Variants in KATNAL1 observed in about 807,000 individuals in gnomAD.
The protein encoded by KATNAL1 is katanin catalytic subunit A1 like 1.
KATNAL1 carries 32 observed loss-of-function variants against 55.2 expected under a neutral mutation model. The observed-to-expected ratio is 0.58, with a 90% CI of 0.44 to 0.78. KATNAL1 has a LOEUF of 0.78. Among genes scored for constraint, KATNAL1 ranks in the 30% least tolerant of loss-of-function variants. The pLI, the probability that KATNAL1 is intolerant of heterozygous loss-of-function variation, is 0.00. For missense variants in KATNAL1, 466 were observed against 600.9 expected (o/e 0.78, Z 2.35); for synonymous variants, 193 against 193.6 (o/e 1.00, Z 0.02).
intron 9 of KATNAL1, among the ~76,000 whole-genome samples, chr13:30,214,409 T>C (rs764690200): frequency 0.08 from 12,122 of 152,052 alleles, 511 homozygotes; most frequent in Admixed American, 0.089. Context: ...CTTCACAGAA[T>C]TGGAAAAAAC....
At chr13:30,213,600 G>A (rs1204040963) in intron 9 of KATNAL1, among the ~76,000 whole-genome samples, 1 of 152,200 alleles carries the variant, frequency 6.6e-6, no homozygotes, top group South Asian at 2.1e-4. Context: ...TCAACCCTGG[G>A]ATGCAAGGCT....
intron 3 of KATNAL1, among the ~76,000 whole-genome samples, chr13:30,269,898 G>T (rs990921913): frequency 2.0e-5 from 3 of 151,454 alleles, no homozygotes; most frequent in East Asian, 3.9e-4. Flanking sequence ...GTCCAGGAGG[G>T]GGGGGTCAGC....
At chr13:30,250,231 G>C (rs1878172465) in intron 4 of KATNAL1, among the ~76,000 whole-genome samples, 1 of 152,252 alleles carries the variant, frequency 6.6e-6, no homozygotes, top group Admixed American at 6.5e-5. Flanking sequence ...GAAAAGTAAT[G>C]GGGAAAATGT....
At chr13:30,210,650 G>T (rs1457352222) in intron 9 of KATNAL1, 17 of 120,342 alleles carry the variant, frequency 1.4e-4, no homozygotes, top group South Asian at 5.8e-4. Flanking sequence ...ACTAAAAATT[G>T]AAAAAAAAAA....
intron 1 of KATNAL1, among the ~76,000 whole-genome samples, chr13:30,287,545 G>C (rs1426257081): frequency 6.6e-6 from 1 of 152,196 alleles, no homozygotes; most frequent in Non-Finnish European, 1.5e-5. Context: ...ATAGCAGCAT[G>C]AGAATGGACT....
chr13:30,282,954 CAA>C, intron 2 of KATNAL1, among the ~76,000 whole-genome samples: 1 of 79,634 alleles, frequency 1.3e-5, no homozygotes, highest in Admixed American at 1.5e-4. Flanking sequence ...GACTCCGTCT[CAA>C]AAAAAAAAAG....
intron 1 of KATNAL1, among the ~76,000 whole-genome samples, chr13:30,297,523 C>A (rs1054879992): frequency 1.3e-5 from 2 of 152,080 alleles, no homozygotes; most frequent in Non-Finnish European, 2.9e-5. Flanking sequence ...GGGTATATAC[C>A]CAAAAGAAAA....
At chr13:30,212,658 G>A (rs917065904) in intron 9 of KATNAL1, among the ~76,000 whole-genome samples, 1 of 152,208 alleles carries the variant, frequency 6.6e-6, no homozygotes, top group African/African-American at 2.4e-5. Context: ...TCCTAGGATG[G>A]AATGCTCCAT....
chr13:30,206,596 G>A lies in KATNAL1; in HGVS notation c.*1944C>T, dbSNP rs1325721984. 1 of 151,862 alleles carries A rather than the reference G, an allele frequency of 6.6e-6. No individual in the cohort carries two copies. The highest frequency in any genetic ancestry group is 2.4e-5 in the African/African-American group (1 of 41,356). 9.4% of individuals were successfully genotyped at this position (151,862 alleles called of 1,614,324 possible). A position where few individuals can be genotyped will look rare whatever the true frequency, so the allele number is the denominator to read the frequency against. ...ATAATCAATACAAAACCCAGAAAAG[G>A]TCTAACTAATCAACTATTGTTAGGC... On this transcript the variant is annotated 3_prime_UTR_variant, in exon 11 of 11. Transcript: ENST00000380615.
intron 9 of KATNAL1, among the ~76,000 whole-genome samples, chr13:30,215,675 A>T (rs1445556975): frequency 6.6e-6 from 1 of 152,152 alleles, no homozygotes; most frequent in Non-Finnish European, 1.5e-5. Flanking sequence ...TATCACAAGA[A>T]CAAAAAACCA....
chr13:30,246,785 G>A (rs1877839497), intron 4 of KATNAL1, among the ~76,000 whole-genome samples: 1 of 151,868 alleles, frequency 6.6e-6, no homozygotes, highest in Non-Finnish European at 1.5e-5. Context: ...CAACAAACAT[G>A]AAAAAAGTTC....
intron 3 of KATNAL1, among the ~76,000 whole-genome samples, chr13:30,270,782 C>G (rs1290818568): frequency 6.6e-6 from 1 of 150,744 alleles, no homozygotes; most frequent in Admixed American, 6.6e-5. Context: ...TGCGGAAGGC[C>G]GCAGGGTCCT....
chr13:30,281,904 G>A (rs1379696689), intron 2 of KATNAL1: 1 of 152,034 alleles, frequency 6.6e-6, no homozygotes, highest in African/African-American at 2.4e-5. Flanking sequence ...ATGTTACGTT[G>A]TTTTAGTATA....
At chr13:30,297,990 G>C (rs1194796233) in intron 1 of KATNAL1, among the ~76,000 whole-genome samples, 1 of 152,130 alleles carries the variant, frequency 6.6e-6, no homozygotes, top group Non-Finnish European at 1.5e-5. Context: ...TAACAAACGT[G>C]CAGATGTACC....
intron 9 of KATNAL1, among the ~76,000 whole-genome samples, chr13:30,225,597 T>A (rs1241670965): frequency 6.6e-6 from 1 of 151,298 alleles, no homozygotes; most frequent in African/African-American, 2.4e-5. Context: ...AAAACTCCTT[T>A]CAGTAAGTGA....
chr13:30,258,985 ATTCT>A (rs1879017554), intron 3 of KATNAL1, among the ~76,000 whole-genome samples: 1 of 152,220 alleles, frequency 6.6e-6, no homozygotes, highest in African/African-American at 2.4e-5. Flanking sequence ...AATATTATTA[ATTCT>A]TTCAACAAAT....
intron 1 of KATNAL1, among the ~76,000 whole-genome samples, chr13:30,302,667 T>C (rs1882930940): frequency 1.3e-5 from 2 of 152,150 alleles, no homozygotes; most frequent in Admixed American, 1.3e-4. Context: ...AAATAAGAAA[T>C]AAAATACATT....
chr13:30,253,759 A>C (rs1476418177), intron 4 of KATNAL1, among the ~76,000 whole-genome samples: 1 of 152,096 alleles, frequency 6.6e-6, no homozygotes, highest in Non-Finnish European at 1.5e-5. Flanking sequence ...ACCAACATTT[A>C]ATTGTTCTGG....
At chr13:30,226,658 AG>A (rs1211008512) in intron 9 of KATNAL1, among the ~76,000 whole-genome samples, 1 of 152,250 alleles carries the variant, frequency 6.6e-6, no homozygotes, top group Non-Finnish European at 1.5e-5. Flanking sequence ...TTGATTAAAC[AG>A]GTGTACAGAT....
Sources: allele counts gnomAD v4.1 joint callset (sites outside exome capture counted in the v4.1 genomes callset), GRCh38; gene constraint gnomAD v4.1.1; transcripts MANE v1.5; gene names NCBI Gene and HGNC (gene_info 2026-07-23, HGNC 2026-07-21).